Variants in WNT9A observed in about 807,000 individuals in gnomAD.
WNT9A encodes protein Wnt-9a.
WNT9A carries 8 observed loss-of-function variants against 31.4 expected under a neutral mutation model. That is an observed-to-expected ratio of 0.26 (90% CI 0.15 to 0.46). The LOEUF (loss-of-function observed/expected upper bound fraction) is 0.46, where lower values mean the gene tolerates loss of function less well. Ranked by LOEUF, WNT9A falls within the 20% of genes least tolerant of loss-of-function variation. The probability of loss-of-function intolerance (pLI) is 0.99; values close to 1 mark genes in which losing one functional copy is unlikely to be tolerated. For synonymous variants in WNT9A, 236 were observed against 220.1 expected, an observed-to-expected ratio of 1.07 and a Z score of -0.64; for missense variants, 457 against 522.9, an observed-to-expected ratio of 0.87 and a Z score of 1.23.
chr1:227,936,599 T>C (rs1180565911), intron 1 of WNT9A, among the ~76,000 whole-genome samples: 2 of 151,902 alleles, frequency 1.3e-5, no homozygotes, highest in Admixed American at 1.3e-4. Context: ...CCTCACAAAG[T>C]GCTGGGATTA....
intron 3 of WNT9A, 143 bp downstream of exon 3, chr1:227,923,995 C>T: frequency 3.3e-6 from 4 of 1,208,088 alleles, no homozygotes; most frequent in Non-Finnish European, 4.6e-6. Flanking sequence ...CGCTGCACGG[C>T]CTCCACCCTC....
intron 1 of WNT9A, among the ~76,000 whole-genome samples, chr1:227,927,069 G>A (rs372027768): frequency 5.3e-5 from 8 of 152,224 alleles, no homozygotes; most frequent in Non-Finnish European, 8.8e-5. Context: ...CCAAGCTGAC[G>A]TCCTGCCCCC....
chr1:227,932,059 C>T (rs575374520), intron 1 of WNT9A, among the ~76,000 whole-genome samples: 14 of 152,304 alleles, frequency 9.2e-5, no homozygotes, highest in Non-Finnish European at 1.6e-4. Context: ...AAGTTTGCCA[C>T]ATCAATGGAC....
chr1:227,926,270 G>A lies in WNT9A; in HGVS notation c.96-751C>T, dbSNP rs939528534. ...TGAACACCACCCTCCATCTTTACAC[G>A]AGGCCTTGCACCAGTACCCAGCACT... On this transcript the variant is annotated intron_variant, in intron 1 of 3. Coordinates refer to ENST00000272164, the MANE Select transcript of WNT9A (RefSeq NM_003395.4). This position sits in a 1 kb window ranked among gnomAD's most constrained non-coding sequence, Gnocchi z 5.0. 5.3e-5 allele frequency among the ~76,000 whole-genome samples: 8 copies of A among 151,914 alleles called. No individual in the cohort carries two copies. The highest frequency in any genetic ancestry group is 1.3e-4 in the Admixed American group (2 of 15,266).
intron 1 of WNT9A, among the ~76,000 whole-genome samples, chr1:227,946,437 C>T (rs1319408618): frequency 1.3e-5 from 2 of 152,348 alleles, no homozygotes; most frequent in South Asian, 2.1e-4. Flanking sequence ...GGTGAGTCAC[C>T]GCGGACCTGT....
chr1:227,937,708 C>T (rs905651633), intron 1 of WNT9A, among the ~76,000 whole-genome samples: 1 of 152,260 alleles, frequency 6.6e-6, no homozygotes, highest in African/African-American at 2.4e-5. Context: ...GGACCCTCCC[C>T]TCAAGCCTCC....
chr1:227,947,806 C>T lies in WNT9A; in HGVS notation c.82G>A (p.Ala28Thr), dbSNP rs1666820438. 9.1e-7 allele frequency: 1 copy of T among 1,097,076 alleles called. No individual in the cohort carries two copies. The allele number at this position is 1,097,076 out of a possible 1,614,324, so 68.0% of individuals were successfully genotyped here. A position where few individuals can be genotyped will look rare whatever the true frequency, so the allele number is the denominator to read the frequency against. Residue 28 changes from alanine to threonine, a missense_variant, in exon 1 of 4, where the codon GCC becomes ACC. By Grantham distance (58) the Ala-to-Thr change is moderately conservative. Transcript: ENST00000272164. ...TLLLAALRPSAAYFGLTGSEP... is the reference protein window; with the variant it reads ...TLLLAALRPSTAYFGLTGSEP... Reference sequence around the variant, plus strand: ...GAAGGCACCTACCCGAAGTAGGCGGCCGAAGGGCGCAGCGCGGCGAGCAGC... The same window carrying T: ...GAAGGCACCTACCCGAAGTAGGCGGTCGAAGGGCGCAGCGCGGCGAGCAGC...
chr1:227,947,575 C>T (rs1320992953), intron 1 of WNT9A, among the ~76,000 whole-genome samples: 7 of 150,940 alleles, frequency 4.6e-5, no homozygotes, highest in African/African-American at 7.3e-5. Context: ...CGGAGGACCG[C>T]GGCCCGGCGC....
At position 227,921,287 on chromosome 1, in the gene WNT9A, G is replaced by GC. The variant is rs1319275808; in HGVS notation, c.*230dup. ...TAGGCCCATTCATGCTCTGTGCAAT[G>GC]CCTGCACCCCATGCAGCTAGGACTG... On this transcript the variant is annotated 3_prime_UTR_variant, in exon 4 of 4. Transcript: ENST00000272164. 1 of 624,136 alleles carries GC rather than the reference G, an allele frequency of 1.6e-6. No individual in the cohort carries two copies. The highest frequency in any genetic ancestry group is 1.8e-5 in the African/African-American group (1 of 54,534). The allele number at this position is 624,136 out of a possible 1,614,324, so 38.7% of individuals were successfully genotyped here.
At position 227,947,773 on chromosome 1, in the gene WNT9A, C is replaced by A; in HGVS notation, c.95+20G>T. ...GCCGCCCCCGCCCACCAGTGCGCGC[C>A]GGCCGCCGAAGGCACCTACCCGAAG... On this transcript the variant is annotated intron_variant, in intron 1 of 3. Transcript: ENST00000272164. 6 of 1,075,192 alleles carry A rather than the reference C, an allele frequency of 5.6e-6. No individual in the cohort carries two copies. The highest frequency in any genetic ancestry group is 6.8e-6 in the Non-Finnish European group (6 of 887,930). The allele number at this position is 1,075,192 out of a possible 1,614,324, so 66.6% of individuals were successfully genotyped here.
At chr1:227,941,875 C>A (rs538711344) in intron 1 of WNT9A, among the ~76,000 whole-genome samples, 2 of 152,050 alleles carry the variant, frequency 1.3e-5, no homozygotes, top group Non-Finnish European at 2.9e-5. Flanking sequence ...GAGCCCGTGC[C>A]GCAGCTGGGA....
At chr1:227,923,807 G>T (rs1328073994) in intron 3 of WNT9A, among the ~76,000 whole-genome samples, 9 of 152,140 alleles carry the variant, frequency 5.9e-5, no homozygotes, top group Non-Finnish European at 1.0e-4. Flanking sequence ...CATGATACTG[G>T]TTAGACTGCC....
At chr1:227,940,654 C>G (rs1666686883) in intron 1 of WNT9A, among the ~76,000 whole-genome samples, 1 of 152,236 alleles carries the variant, frequency 6.6e-6, no homozygotes, top group Admixed American at 6.5e-5. Context: ...GGCCAGACCT[C>G]CAGCCCACTT....
At position 227,924,119 on chromosome 1, in the gene WNT9A, C is replaced by G. The variant is rs1289169372; in HGVS notation, c.615+19G>C. 1 of 1,573,110 alleles carries G rather than the reference C, an allele frequency of 6.4e-7. No individual in the cohort carries two copies. On this transcript the variant is annotated intron_variant, in intron 3 of 3. Transcript: ENST00000272164. ...TTTCTGACCCTCCCTTCCCACCCCG[C>G]CAGCCCCACCCCACTTGCCTTCACA...
chr1:227,935,139 C>A (rs1369340578), intron 1 of WNT9A, among the ~76,000 whole-genome samples: 1 of 151,894 alleles, frequency 6.6e-6, no homozygotes, highest in East Asian at 1.9e-4. Flanking sequence ...CCATACAGAG[C>A]CTGAGTCACA....
chr1:227,946,889 G>A (rs1003323443), intron 1 of WNT9A, among the ~76,000 whole-genome samples: 1 of 152,126 alleles, frequency 6.6e-6, no homozygotes. Context: ...CGTCCAGGTC[G>A]GGGGCTGGGA....
intron 1 of WNT9A, among the ~76,000 whole-genome samples, chr1:227,936,318 T>C (rs1303478041): frequency 1.3e-5 from 2 of 152,194 alleles, no homozygotes; most frequent in Non-Finnish European, 2.9e-5. Context: ...GCCTCCCAAG[T>C]AGCTGGGATT....
rs1666409696 is a variant in WNT9A at position 227,925,633 on chromosome 1, G to A, written c.96-114C>T. 7.1e-7 allele frequency: 1 copy of A among 1,402,702 alleles called. No homozygotes were observed. The highest frequency in any genetic ancestry group is 1.5e-5 in the African/African-American group (1 of 68,514). The allele number at this position is 1,402,702 out of a possible 1,614,324, so 86.9% of individuals were successfully genotyped here. A position where few individuals can be genotyped will look rare whatever the true frequency, so the allele number is the denominator to read the frequency against. On this transcript the variant is annotated intron_variant, in intron 1 of 3. Transcript: ENST00000272164. This position sits in a 1 kb window ranked among gnomAD's most constrained non-coding sequence, Gnocchi z 6.0. Reference sequence around the variant, plus strand: ...AGGCGTGTCCATCCGGGGGTGAGGGGGCAGAAAGAATCCAGGATGAGCCAG... The same window carrying A: ...AGGCGTGTCCATCCGGGGGTGAGGGAGCAGAAAGAATCCAGGATGAGCCAG...
chr1:227,937,606 G>A (rs1163008508), intron 1 of WNT9A, among the ~76,000 whole-genome samples: 1 of 152,238 alleles, frequency 6.6e-6, no homozygotes, highest in African/African-American at 2.4e-5. Context: ...AGAGGGCCAC[G>A]TGAAGATGGA....
Sources: allele counts gnomAD v4.1 joint callset (sites outside exome capture counted in the v4.1 genomes callset), GRCh38; gene constraint gnomAD v4.1.1; non-coding constraint Gnocchi (gnomAD v3.1); transcripts MANE v1.5; gene names NCBI Gene and HGNC (gene_info 2026-07-23, HGNC 2026-07-21).